Variants in CDK5RAP2 observed in about 807,000 individuals in gnomAD.
CDK5RAP2 encodes the protein CDK5 regulatory subunit associated protein 2.
A neutral mutation model predicts 232.9 loss-of-function variants in CDK5RAP2; 147 were observed. The observed-to-expected ratio is 0.63, with a 90% CI of 0.55 to 0.72. The LOEUF (loss-of-function observed/expected upper bound fraction) is 0.72, where lower values mean the gene tolerates loss of function less well. Among genes scored for constraint, CDK5RAP2 ranks in the 30% least tolerant of loss-of-function variants. The pLI is 0.00. For missense variants in CDK5RAP2, 2,195 were observed against 2,231.5 expected (o/e 0.98, Z 0.33); for synonymous variants, 833 against 833.7 (o/e 1.00, Z 0.01).
intron 34 of CDK5RAP2, among the ~76,000 whole-genome samples, chr9:120,401,237 G>A (rs1485777154): frequency 6.6e-6 from 1 of 151,860 alleles, no homozygotes; most frequent in Non-Finnish European, 1.5e-5. Context: ...GACACCAACA[G>A]CAAGCAATAA....
At chr9:120,470,588 G>A (rs1464699534) in intron 16 of CDK5RAP2, among the ~76,000 whole-genome samples, 1 of 151,758 alleles carries the variant, frequency 6.6e-6, no homozygotes, top group African/African-American at 2.4e-5. Context: ...GGAAAATGCA[G>A]AAAAATTAGA....
chr9:120,457,289 G>A (rs1237583685), intron 20 of CDK5RAP2, among the ~76,000 whole-genome samples: 2 of 152,072 alleles, frequency 1.3e-5, no homozygotes, highest in South Asian at 2.1e-4. Context: ...CCCCCTGACC[G>A]CCCAGTTCAC....
chr9:120,485,872 C>G (rs1473681506), intron 14 of CDK5RAP2, among the ~76,000 whole-genome samples: 10 of 152,190 alleles, frequency 6.6e-5, no homozygotes, highest in Admixed American at 5.2e-4. Flanking sequence ...ATCCAGGTCT[C>G]CAGATTGCTG....
At chr9:120,426,464 T>C (rs1207810706) in intron 25 of CDK5RAP2, among the ~76,000 whole-genome samples, 1 of 152,210 alleles carries the variant, frequency 6.6e-6, no homozygotes, top group East Asian at 1.9e-4. Flanking sequence ...ATTTTTCTGA[T>C]TGGCACTTGG....
chr9:120,482,342 T>C (rs543845468), intron 14 of CDK5RAP2, among the ~76,000 whole-genome samples: 56 of 152,296 alleles, frequency 3.7e-4, no homozygotes, highest in African/African-American at 1.1e-3. Context: ...CTTTTCTTCT[T>C]TCTGGCAGCT....
intron 36 of CDK5RAP2, 177 bp from the exon 37 acceptor site, chr9:120,389,964 A>C: frequency 3.1e-6 from 2 of 647,922 alleles, no homozygotes; most frequent in Non-Finnish European, 5.7e-6. Context: ...CCCATCACAA[A>C]CCCCAGGGCC....
intron 27 of CDK5RAP2, 91 bp from the exon 28 acceptor site, chr9:120,415,250 C>T (rs2034143271): frequency 1.4e-5 from 20 of 1,456,934 alleles, no homozygotes; most frequent in Non-Finnish European, 1.8e-5. Context: ...AAATTCCAAA[C>T]AGTATTGGAT....
At chr9:120,412,938 T>C (rs953368318) in intron 28 of CDK5RAP2, among the ~76,000 whole-genome samples, 4 of 152,218 alleles carry the variant, frequency 2.6e-5, no homozygotes. Context: ...TGGTATCTTT[T>C]CAGAGACACC....
At chr9:120,389,428 C>T (rs979609462) in intron 37 of CDK5RAP2, 136 bp from the exon 38 acceptor site, 16 of 739,828 alleles carry the variant, frequency 2.2e-5, no homozygotes, top group African/African-American at 3.5e-5. Context: ...AAATATTTAC[C>T]TAATAAACAA....
At chr9:120,440,005 T>G in intron 23 of CDK5RAP2, 33 bp from the exon 24 acceptor site, 1 of 1,585,872 alleles carries the variant, frequency 6.3e-7, no homozygotes, top group Non-Finnish European at 8.6e-7. Context: ...TCAGTATCTC[T>G]TTTACTAAAA....
intron 14 of CDK5RAP2, among the ~76,000 whole-genome samples, chr9:120,478,233 G>A (rs1159538107): frequency 1.3e-5 from 2 of 152,190 alleles, no homozygotes; most frequent in Non-Finnish European, 2.9e-5. Context: ...ATTGCATACT[G>A]TAAGGAACCA....
At position 120,407,110 on chromosome 9, in the gene CDK5RAP2, T is replaced by G; in HGVS notation, c.4865A>C (p.Gln1622Pro). ...SSTLQSRLKE[Q>P]LARGAEKAQE... ...TGCCTTCTCTGCCCCCCTTGCCAGC[T>G]GTTCCTTGAGCCTGCTCTGCAGAGT... The change falls in exon 32 of 38, where the codon CAG becomes CCG. Residue 1622 changes from glutamine (Q) to proline (P), a missense_variant. Coordinates refer to ENST00000349780, the MANE Select transcript of CDK5RAP2 (RefSeq NM_018249.6). The G allele has an allele frequency of 6.2e-7, 1 of 1,614,148 alleles. No homozygotes were observed. The highest frequency in any genetic ancestry group is 1.1e-5 in the South Asian group (1 of 91,088).
At chr9:120,418,812 G>C (rs577677034) in intron 27 of CDK5RAP2, among the ~76,000 whole-genome samples, 61 of 152,224 alleles carry the variant, frequency 4.0e-4, no homozygotes, top group African/African-American at 1.2e-3. Context: ...GGGCTCCTCT[G>C]AGTCCTGAGT....
At chr9:120,415,828 A>G (rs2034179443) in intron 27 of CDK5RAP2, among the ~76,000 whole-genome samples, 3 of 152,212 alleles carry the variant, frequency 2.0e-5, no homozygotes. Flanking sequence ...AGATGCTGAC[A>G]AGCGTTTGCC....
rs1219318391 is a variant in CDK5RAP2 at position 120,525,048 on chromosome 9, G to C, written c.1030C>G (p.Leu344Val). 6.2e-7 allele frequency: 1 copy of C among 1,613,926 alleles called. No homozygotes were observed. The highest frequency in any genetic ancestry group is 1.3e-5 in the African/African-American group (1 of 74,912). ...VEELNSEIEK[L>V]SAAFAKAREA... ...CTGGCTTTAGCAAAGGCAGCACTGA[G>C]CTTTTCAATTTCAGAGTTAAGTTCT... is the stretch of plus-strand genomic sequence containing the variant. The change falls in exon 11 of 38, where the codon CTC becomes GTC. Residue 344 changes from leucine (L) to valine (V), a missense_variant. Physicochemically the swap from Leu to Val is conservative, Grantham distance 32. Transcript: ENST00000349780.
intron 26 of CDK5RAP2, 27 bp from the exon 27 acceptor site, chr9:120,419,987 T>C: frequency 6.3e-7 from 1 of 1,583,754 alleles, no homozygotes; most frequent in Non-Finnish European, 8.7e-7. Context: ...GAAAGATAAA[T>C]CATCTCCCAT....
In CDK5RAP2 at chr9:120,402,974, G is replaced by A. The variant is rs549741128; in HGVS notation, c.5139C>T (p.Val1713=). Reference sequence around the variant, plus strand: ...TGCTGGCCCACAGGTGGTGGCCAGTGACCAGGCGGGACACACACGGAGTGC... The same window carrying A: ...TGCTGGCCCACAGGTGGTGGCCAGTAACCAGGCGGGACACACACGGAGTGC... The part of the protein sequence containing the change: ...ATSTPCVSRL[V]TGHHLWASKN... Residue 1713 remains valine, a synonymous_variant, in exon 34 of 38, where the codon GTC becomes GTT. Transcript: ENST00000349780. The A allele has an allele frequency of 2.6e-5, 42 of 1,614,182 alleles. No individual in the cohort carries two copies. The South Asian group carries it at 4.3e-4, about 16-fold the overall frequency.
Position 120,491,436 on chromosome 9 carries a change from A to G in CDK5RAP2, c.1353T>C (p.Asn451=), listed in dbSNP as rs371101892. ...GATTTTCCATTGCTTTCTCTCTTTC[A>G]TTCACTTCATTGCGTAATTTTTCAA... is the stretch of plus-strand genomic sequence containing the variant. ...NEVEKLRNEV[N]EREKAMENRY... Residue 451 remains asparagine (N), a synonymous_variant, in exon 13 of 38, where the codon AAT becomes AAC. Transcript: ENST00000349780. The G allele has an allele frequency of 1.2e-6, 2 of 1,611,830 alleles. No homozygotes were observed. The highest frequency in any genetic ancestry group is 8.5e-7 in the Non-Finnish European group (1 of 1,179,056).
intron 35 of CDK5RAP2, among the ~76,000 whole-genome samples, chr9:120,400,497 C>T (rs2032905948): frequency 6.6e-6 from 1 of 152,214 alleles, no homozygotes; most frequent in Admixed American, 6.5e-5. Flanking sequence ...TCCTGGTTCC[C>T]TCATGTGTAG....
Sources: allele counts gnomAD v4.1 joint callset (sites outside exome capture counted in the v4.1 genomes callset), GRCh38; gene constraint gnomAD v4.1.1; transcripts MANE v1.5; gene names NCBI Gene and HGNC (gene_info 2026-07-23, HGNC 2026-07-21).